Variants in AGBL4 observed in about 807,000 individuals in gnomAD.
AGBL4 encodes cytosolic carboxypeptidase 6.
A neutral mutation model predicts 66.4 loss-of-function variants in AGBL4; 58 were observed. That is an observed-to-expected ratio of 0.87 (90% CI 0.71 to 1.09). The LOEUF is 1.09. AGBL4 is among the 50% of genes least tolerant of loss of function. The probability of loss-of-function intolerance (pLI) is 0.00; values close to 1 mark genes in which losing one functional copy is unlikely to be tolerated. For synonymous variants in AGBL4, 234 were observed against 222.9 expected (o/e 1.05, Z -0.44); for missense variants, 579 against 631.0 (o/e 0.92, Z 0.88).
intron 6 of AGBL4, among the ~76,000 whole-genome samples, chr1:48,865,033 G>T: frequency 6.6e-6 from 1 of 151,950 alleles, no homozygotes; most frequent in South Asian, 2.1e-4. Context: ...CAGCATTTCA[G>T]AAGGCTCCCA....
chr1:48,667,612 A>G (rs1646209671), intron 6 of AGBL4, among the ~76,000 whole-genome samples: 1 of 152,242 alleles, frequency 6.6e-6, no homozygotes, highest in East Asian at 1.9e-4. Context: ...TTCTAGAGTA[A>G]CTTGTTAGGC....
chr1:49,216,442 T>A (rs1332530604), intron 4 of AGBL4, among the ~76,000 whole-genome samples: 1 of 152,154 alleles, frequency 6.6e-6, no homozygotes, highest in African/African-American at 2.4e-5. Context: ...CAGTGTCTAC[T>A]GTTGCCATCT....
chr1:48,669,756 TTG>T (rs929659776), intron 6 of AGBL4, among the ~76,000 whole-genome samples: 1 of 152,162 alleles, frequency 6.6e-6, no homozygotes, highest in Admixed American at 6.5e-5. Context: ...ATTTGCTGCC[TTG>T]GTCAAGCAGG....
intron 2 of AGBL4, among the ~76,000 whole-genome samples, chr1:49,750,562 CT>C (rs1651374638): frequency 1.3e-5 from 2 of 152,258 alleles, no homozygotes; most frequent in South Asian, 4.1e-4. Context: ...TTAGTATCTT[CT>C]TGGCTATACA....
rs183063418 is a variant in AGBL4, at chr1:49,026,343, A to C, written c.594+19241T>G. ...CTGTCGGGCCAAAAAAGAACTCTGAAAGCAAATCAGGCACAGTTACTAAGC... is the reference window on the plus strand; with the variant it reads ...CTGTCGGGCCAAAAAAGAACTCTGACAGCAAATCAGGCACAGTTACTAAGC... On this transcript the variant is annotated intron_variant, in intron 5 of 13. Transcript: ENST00000371839. Among the ~76,000 whole-genome samples, 374 of 152,288 alleles carry C rather than the reference A, an allele frequency of 2.5e-3. 3 individuals are homozygous for C. The highest frequency in any genetic ancestry group is 8.6e-3 in the African/African-American group (359 of 41,566).
chr1:49,097,645 G>A (rs1010635329), intron 4 of AGBL4, among the ~76,000 whole-genome samples: 1 of 152,188 alleles, frequency 6.6e-6, no homozygotes, highest in African/African-American at 2.4e-5. Context: ...GCAGTGGCAC[G>A]ATCTCAGCTC....
intron 6 of AGBL4, among the ~76,000 whole-genome samples, chr1:48,749,741 G>A (rs1473133331): frequency 6.6e-6 from 1 of 152,240 alleles, no homozygotes; most frequent in Non-Finnish European, 1.5e-5. Context: ...GGTGGCCAGG[G>A]AAAACTGGAC....
rs568711719 is a variant in AGBL4 at position 49,967,401 on chromosome 1, A to T, written c.34+56362T>A. On this transcript the variant is annotated intron_variant, in intron 1 of 13. Transcript: ENST00000371839. ...AGCTGGAAACCATCATTCTCAGCAA[A>T]CTATCACAAGAACAGAAAACCAAAC... Among the ~76,000 whole-genome samples the T allele has an allele frequency of 4.6e-5, 7 of 152,294 alleles. No homozygotes were observed. In the East Asian group the frequency reaches 1.4e-3, roughly 29 times the overall value.
intron 2 of AGBL4, among the ~76,000 whole-genome samples, chr1:49,742,816 T>A (rs1056872382): frequency 6.6e-6 from 1 of 152,160 alleles, no homozygotes; most frequent in African/African-American, 2.4e-5. Context: ...ATTCCCTATT[T>A]AATAAATGGT....
the AGBL4 span, among the ~76,000 whole-genome samples, chr1:48,523,039 GA>G: frequency 1.3e-5 from 2 of 152,250 alleles, no homozygotes; most frequent in African/African-American, 4.8e-5. Flanking sequence ...CAAGTGGGTT[GA>G]AGGGGGTGTT....
At chr1:49,724,379 A>G (rs1210905099) in intron 2 of AGBL4, among the ~76,000 whole-genome samples, 9 of 152,184 alleles carry the variant, frequency 5.9e-5, no homozygotes, top group Non-Finnish European at 8.8e-5. Flanking sequence ...GTAGGTCAAC[A>G]TATAATTATT....
chr1:49,484,053 C>A (rs187379827), intron 3 of AGBL4, among the ~76,000 whole-genome samples: 1 of 151,970 alleles, frequency 6.6e-6, no homozygotes, highest in Non-Finnish European at 1.5e-5. Context: ...AATGAGATAT[C>A]ATATTATTAC....
intron 5 of AGBL4, among the ~76,000 whole-genome samples, chr1:48,959,282 A>G (rs1197256979): frequency 6.6e-6 from 1 of 152,208 alleles, no homozygotes; most frequent in African/African-American, 2.4e-5. Flanking sequence ...ATAAAATATG[A>G]GAAGTACTTC....
At chr1:49,758,397 C>A (rs1026560172) in intron 2 of AGBL4, among the ~76,000 whole-genome samples, 3 of 151,946 alleles carry the variant, frequency 2.0e-5, no homozygotes, top group Non-Finnish European at 2.9e-5. Flanking sequence ...AAGATGGCCA[C>A]CATCCTCTAG....
At chr1:49,836,773 C>T (rs1228462533) in intron 2 of AGBL4, among the ~76,000 whole-genome samples, 1 of 152,088 alleles carries the variant, frequency 6.6e-6, no homozygotes, top group Non-Finnish European at 1.5e-5. Flanking sequence ...TGTGGATGTC[C>T]TTTTTGTTGA....
chr1:49,890,525 T>C (rs939110786), intron 1 of AGBL4, among the ~76,000 whole-genome samples: 5 of 152,174 alleles, frequency 3.3e-5, no homozygotes, highest in Admixed American at 2.0e-4. Flanking sequence ...AGATACTTAA[T>C]AAATATATAA....
rs182679250 is a variant in AGBL4, at chr1:49,356,329, C to T, written c.283-110465G>A. ...CTGCCTTGTTGGATGTTCTGATAAA[C>T]GACAGACACAGACACCTTCACATGC... On this transcript the variant is annotated intron_variant, in intron 3 of 13. Transcript: ENST00000371839. Among the ~76,000 whole-genome samples the T allele has an allele frequency of 2.5e-3, 382 of 152,246 alleles. 1 individual carries two copies. Among genetic ancestry groups the T allele is most frequent in the Non-Finnish European group, 2.7e-3 (185 of 68,016 alleles).
Position 48,990,578 on chromosome 1 carries a change from T to C in AGBL4, c.594+55006A>G, listed in dbSNP as rs185374380. 2.1e-3 allele frequency among the ~76,000 whole-genome samples: 319 copies of C among 152,254 alleles called. 3 individuals are homozygous for C. Among genetic ancestry groups the C allele is most frequent in the African/African-American group, 7.3e-3 (302 of 41,578 alleles). ...TGATTTTTTTGTATATGGTGAGAGA[T>C]AGGAGTCTAGTTTCATTCTTCTGCA... is the stretch of plus-strand genomic sequence containing the variant. On this transcript the variant is annotated intron_variant, in intron 5 of 13. Coordinates refer to ENST00000371839, the MANE Select transcript of AGBL4 (RefSeq NM_032785.4).
intron 3 of AGBL4, among the ~76,000 whole-genome samples, chr1:49,681,953 T>A (rs1454862421): frequency 6.6e-6 from 1 of 152,202 alleles, no homozygotes; most frequent in Non-Finnish European, 1.5e-5. Flanking sequence ...ACCATTAAGC[T>A]GCAATTTTAT....
Sources: gnomAD v4.1 joint callset for allele counts (sites outside exome capture counted in the v4.1 genomes callset) on GRCh38, gnomAD v4.1.1 for gene constraint, MANE v1.5 for transcripts, NCBI Gene and HGNC (gene_info 2026-07-23, HGNC 2026-07-21) for gene names.